The following WDR49 variants were observed in gnomAD, a reference collection of about 807,000 sequenced individuals.
WDR49 encodes WD repeat domain 49.
WDR49 carries 107 observed loss-of-function variants against 119.5 expected under a neutral mutation model. The observed-to-expected ratio is 0.90, with a 90% CI of 0.77 to 1.05. WDR49 has a LOEUF of 1.05. Among genes scored for constraint, WDR49 ranks in the 50% least tolerant of loss-of-function variants. WDR49 has a pLI of 0.00. For synonymous variants in WDR49, 425 were observed against 418.8 expected, an observed-to-expected ratio of 1.01 and a Z score of -0.18; for missense variants, 1,240 against 1,220.5, an observed-to-expected ratio of 1.02 and a Z score of -0.24.
chr3:167,500,001 C>G, intron 18 of WDR49, 152 bp downstream of exon 18: 1 of 802,136 alleles, frequency 1.2e-6, no homozygotes, highest in Non-Finnish European at 1.8e-6. Flanking sequence ...ACTTCAGCAG[C>G]TGAACTATAA....
Position 167,627,097 on chromosome 3 carries a change from C to T in WDR49, c.361G>A (p.Ala121Thr). ...CACTGGGGCACCACAGTTGCCTTTGCTCGTTCATCTTGCTCATAAAGCTCT... is the reference window on the plus strand; with the variant it reads ...CACTGGGGCACCACAGTTGCCTTTGTTCGTTCATCTTGCTCATAAAGCTCT... Reference protein sequence around the residue: ...LLELYEQDERAKATVVPQWKD... With the variant: ...LLELYEQDERTKATVVPQWKD... The change falls in exon 3 of 19, where the codon GCA becomes ACA. Residue 121 changes from alanine (A) to threonine (T), a missense_variant. Physicochemically the swap from Ala to Thr is moderately conservative, Grantham distance 58 (BLOSUM62 0). Coordinates refer to ENST00000682715, the MANE Select transcript of WDR49 (RefSeq NM_001366157.1). 2 of 1,274,552 alleles carry T rather than the reference C, an allele frequency of 1.6e-6. No homozygotes were observed. Among genetic ancestry groups the T allele is most frequent in the Non-Finnish European group, 2.0e-6 (2 of 1,009,808 alleles). 79.0% of individuals were successfully genotyped at this position (1,274,552 alleles called of 1,614,324 possible).
chr3:167,479,603 G>T (rs188305800), intron 18 of WDR49, among the ~76,000 whole-genome samples: 1 of 152,204 alleles, frequency 6.6e-6, no homozygotes, highest in East Asian at 1.9e-4. Flanking sequence ...ACAATGTTCT[G>T]TGTTGAGGCA....
intron 9 of WDR49, among the ~76,000 whole-genome samples, chr3:167,557,549 A>C (rs1656487764): frequency 2.0e-5 from 3 of 152,180 alleles, no homozygotes; most frequent in Admixed American, 2.0e-4. Flanking sequence ...TGGAAGCTTG[A>C]GCAAGTTGCC....
chr3:167,497,248 A>G (rs1751389870), intron 18 of WDR49, among the ~76,000 whole-genome samples: 2 of 152,140 alleles, frequency 1.3e-5, no homozygotes, highest in Non-Finnish European at 2.9e-5. Flanking sequence ...TTTCTCTCAC[A>G]AGTTGGTGAA....
intron 8 of WDR49, among the ~76,000 whole-genome samples, chr3:167,573,425 C>CACACA (rs1299689333): frequency 2.0e-5 from 3 of 147,504 alleles, no homozygotes; most frequent in Non-Finnish European, 3.0e-5. Context: ...CACACACACA[C>CACACA]ACACAACACA....
chr3:167,505,421 A>G lies in WDR49; in HGVS notation c.2775-5T>C. The stretch of plus-strand genomic sequence containing the variant: ...ATATCTTCTGATGGTCTGACACTGG[A>G]AGAAAATATTTCATGATGAAATACA... On this transcript the variant is annotated splice_polypyrimidine_tract_variant and splice_region_variant and intron_variant, in intron 16 of 18. Coordinates refer to ENST00000682715, the MANE Select transcript of WDR49 (RefSeq NM_001366157.1). 1.3e-6 allele frequency: 2 copies of G among 1,515,588 alleles called. No homozygotes were observed. Among genetic ancestry groups the G allele is most frequent in the South Asian group, 1.3e-5 (1 of 74,322 alleles). The allele number at this position is 1,515,588 out of a possible 1,614,324, so 93.9% of individuals were successfully genotyped here.
At chr3:167,565,362 A>C (rs1269644155) in intron 8 of WDR49, among the ~76,000 whole-genome samples, 5 of 145,218 alleles carry the variant, frequency 3.4e-5, no homozygotes, top group Non-Finnish European at 7.5e-5. Context: ...ATCAGAAAAA[A>C]AAAAAAGCAT....
At chr3:167,527,049 A>G (rs1752662223) in intron 15 of WDR49, among the ~76,000 whole-genome samples, 1 of 152,144 alleles carries the variant, frequency 6.6e-6, no homozygotes, top group African/African-American at 2.4e-5. Context: ...GAGACTAAAT[A>G]TTTCCTTTCT....
intron 18 of WDR49, among the ~76,000 whole-genome samples, chr3:167,491,977 T>G (rs914520922): frequency 7.9e-5 from 12 of 152,096 alleles, no homozygotes; most frequent in Non-Finnish European, 1.5e-4. Flanking sequence ...AAGTGAGAGT[T>G]TAGGACATTG....
chr3:167,545,895 TA>T (rs1267520976), intron 10 of WDR49, among the ~76,000 whole-genome samples: 1 of 136,032 alleles, frequency 7.4e-6, no homozygotes, highest in Non-Finnish European at 1.6e-5. Flanking sequence ...TAAATAATTG[TA>T]ATATTAATAT....
chr3:167,529,316 GT>G, intron 13 of WDR49, 77 bp from the exon 14 acceptor site: 1 of 1,346,612 alleles, frequency 7.4e-7, no homozygotes, highest in Non-Finnish European at 1.0e-6. Flanking sequence ...GGCTTTCCCT[GT>G]GGAAAGCATG....
At chr3:167,573,411 C>T (rs920855333) in intron 8 of WDR49, among the ~76,000 whole-genome samples, 4 of 150,132 alleles carry the variant, frequency 2.7e-5, no homozygotes, top group African/African-American at 1.0e-4. Context: ...CACACACACA[C>T]ACACACACAC....
Position 167,626,933 on chromosome 3 carries a change from T to G in WDR49, c.525A>C (p.Glu175Asp), listed in dbSNP as rs1327565897. 1.5e-6 allele frequency: 2 copies of G among 1,306,028 alleles called. No homozygotes were observed. The highest frequency in any genetic ancestry group is 3.0e-5 in the African/African-American group (2 of 66,248). The allele number at this position is 1,306,028 out of a possible 1,614,324, so 80.9% of individuals were successfully genotyped here. ...TGGCATCTGAAGTGATGGGGAATGT[T>G]TCTTGCAGCTTTAAATGCTCTCCCC... The part of the protein sequence containing the change: ...AIWGEHLKLQ[E>D]TFPITSDATK... Residue 175 changes from glutamate (E) to aspartate (D), a missense_variant, in exon 3 of 19, where the codon GAA becomes GAC. By Grantham distance (45) the Glu-to-Asp change is conservative. Coordinates refer to ENST00000682715, the MANE Select transcript of WDR49 (RefSeq NM_001366157.1).
At chr3:167,522,564 G>T (rs1577215429) in intron 15 of WDR49, 80 bp from the exon 16 acceptor site, 1 of 1,430,188 alleles carries the variant, frequency 7.0e-7, no homozygotes, top group East Asian at 2.4e-5. Flanking sequence ...CCATGTGCTG[G>T]ATTACTAATT....
upstream of WDR49, among the ~76,000 whole-genome samples, chr3:167,656,761 T>C (rs932722481): frequency 2.6e-5 from 4 of 152,236 alleles, no homozygotes; most frequent in African/African-American, 4.8e-5. Flanking sequence ...CCTGCGGCAC[T>C]GTAAAATCCA....
At chr3:167,486,458 G>T (rs552781867) in intron 18 of WDR49, among the ~76,000 whole-genome samples, 10 of 151,976 alleles carry the variant, frequency 6.6e-5, no homozygotes, top group Admixed American at 2.0e-4. Context: ...ACATAAGGCG[G>T]CATGCTGGTT....
chr3:167,557,763 A>T (rs1269010845), intron 9 of WDR49, among the ~76,000 whole-genome samples: 3 of 152,100 alleles, frequency 2.0e-5, no homozygotes, highest in African/African-American at 7.2e-5. Context: ...AAAAAAAAAA[A>T]AAAAATCAGG....
At chr3:167,481,611 G>A (rs901405516) in intron 18 of WDR49, among the ~76,000 whole-genome samples, 3 of 152,154 alleles carry the variant, frequency 2.0e-5, no homozygotes, top group Non-Finnish European at 4.4e-5. Context: ...TGCTGATAAA[G>A]ACACACCCGA....
intron 2 of WDR49, among the ~76,000 whole-genome samples, chr3:167,643,812 G>A (rs1187258623): frequency 2.0e-5 from 3 of 152,014 alleles, no homozygotes; most frequent in Admixed American, 6.6e-5. Context: ...CTATATTGAG[G>A]AAGAGATATT....
Sources: gnomAD v4.1 joint callset for allele counts (sites outside exome capture counted in the v4.1 genomes callset) on GRCh38, gnomAD v4.1.1 for gene constraint, MANE v1.5 for transcripts, NCBI Gene and HGNC (gene_info 2026-07-23, HGNC 2026-07-21) for gene names.